Variants in ADAM19 observed in about 807,000 individuals in gnomAD.
ADAM19 encodes the protein ADAM metallopeptidase domain 19.
Under a neutral mutation model 114.7 loss-of-function variants are expected in ADAM19, and 65 were observed. The observed-to-expected ratio is 0.57, with a 90% CI of 0.46 to 0.70. ADAM19 has a LOEUF of 0.70. ADAM19 is among the 30% of genes least tolerant of loss of function. The pLI, the probability that ADAM19 is intolerant of heterozygous loss-of-function variation, is 0.00. For synonymous variants in ADAM19, 466 were observed against 460.5 expected, an observed-to-expected ratio of 1.01 and a Z score of -0.15; for missense variants, 1,063 against 1,204.7, an observed-to-expected ratio of 0.88 and a Z score of 1.74.
At chr5:157,560,327 G>A (rs1404985110) in intron 3 of ADAM19, among the ~76,000 whole-genome samples, 12 of 149,888 alleles carry the variant, frequency 8.0e-5, no homozygotes, top group African/African-American at 1.2e-4. Flanking sequence ...GAGCCTATCC[G>A]GGGCCAAAAT....
At chr5:157,515,885 C>A (rs1478640842) in intron 7 of ADAM19, among the ~76,000 whole-genome samples, 1 of 152,112 alleles carries the variant, frequency 6.6e-6, no homozygotes, top group Non-Finnish European at 1.5e-5. Context: ...TGAGAACCAC[C>A]CTAGAAGCTC....
intron 2 of ADAM19, chr5:157,567,946 C>A (rs1182645422): frequency 6.6e-6 from 1 of 152,104 alleles, no homozygotes; most frequent in African/African-American, 2.4e-5. Flanking sequence ...TTCCCCTCCC[C>A]CAAAGAGACA....
intron 21 of ADAM19, among the ~76,000 whole-genome samples, chr5:157,487,072 T>C (rs983761437): frequency 6.6e-6 from 1 of 152,150 alleles, no homozygotes; most frequent in African/African-American, 2.4e-5. Context: ...CTTGGACTCT[T>C]AGCCTCTAGA....
At chr5:157,517,013 G>A (rs746444187) in intron 7 of ADAM19, among the ~76,000 whole-genome samples, 4 of 151,932 alleles carry the variant, frequency 2.6e-5, no homozygotes, top group Non-Finnish European at 5.9e-5. Flanking sequence ...AAATCTAAAC[G>A]CTTTTCAAAG....
intron 3 of ADAM19, among the ~76,000 whole-genome samples, chr5:157,561,492 C>T (rs1757507098): frequency 6.6e-6 from 1 of 152,198 alleles, no homozygotes. Flanking sequence ...GAAGCCCTTG[C>T]TCACCGCTCC....
chr5:157,478,621 C>T lies in ADAM19; in HGVS notation c.*2328G>A. ...AAGGGGATGCATAATGGCCAGTCTT[C>T]CTCCTGGGCAGCCTCCCTGAACAGA... is the stretch of plus-strand genomic sequence containing the variant. On this transcript the variant is annotated 3_prime_UTR_variant, in exon 23 of 23. Transcript: ENST00000257527. 1 of 985,846 alleles carries T rather than the reference C, an allele frequency of 1.0e-6. No homozygotes were observed. Among genetic ancestry groups the T allele is most frequent in the Non-Finnish European group, 1.2e-6 (1 of 829,936 alleles). The allele number at this position is 985,846 out of a possible 1,614,324, so 61.1% of individuals were successfully genotyped here.
At chr5:157,546,710 G>A (rs1757060855) in intron 3 of ADAM19, among the ~76,000 whole-genome samples, 4 of 152,134 alleles carry the variant, frequency 2.6e-5, no homozygotes, top group African/African-American at 7.2e-5. Context: ...CCCTCTCCCC[G>A]GGGAGACTGA....
intron 6 of ADAM19, 102 bp downstream of exon 6, chr5:157,519,737 T>C (rs1168317847): frequency 1.8e-6 from 2 of 1,108,656 alleles, no homozygotes; most frequent in East Asian, 2.4e-5. Flanking sequence ...TTCTTAGGCA[T>C]CACCTTCAAT....
intron 5 of ADAM19, among the ~76,000 whole-genome samples, chr5:157,522,746 A>C (rs989373636): frequency 2.4e-4 from 37 of 152,138 alleles, no homozygotes; most frequent in African/African-American, 7.0e-4. Context: ...AGATCGCACC[A>C]CTGCACTCCA....
chr5:157,518,199 C>T (rs774715882), intron 7 of ADAM19, among the ~76,000 whole-genome samples: 1 of 151,930 alleles, frequency 6.6e-6, no homozygotes, highest in Admixed American at 6.6e-5. Flanking sequence ...AGAATAAACA[C>T]CAGAATCTAA....
chr5:157,537,089 T>C lies in ADAM19; in HGVS notation c.330+824A>G, dbSNP rs562656382. Among the ~76,000 whole-genome samples the C allele has an allele frequency of 5.3e-5, 8 of 152,338 alleles. No homozygotes were observed. The South Asian group carries it at 1.5e-3, about 28-fold the overall frequency. ...TGGGTCTGTCCTATGCATTATAGAA[T>C]GTAGATGCCAGTAGATCCTCCCTGC... On this transcript the variant is annotated intron_variant, in intron 4 of 22. Transcript: ENST00000257527.
Position 157,509,286 on chromosome 5 carries a change from A to G in ADAM19, c.905+15T>C, listed in dbSNP as rs1235462378. ...CAGCCAAGGACAACACAACATATGG[A>G]AAAAGGCTATTTACGTGATTAATTG... On this transcript the variant is annotated intron_variant, in intron 9 of 22. Coordinates refer to ENST00000257527, the MANE Select transcript of ADAM19 (RefSeq NM_033274.5). The G allele has an allele frequency of 1.9e-6, 3 of 1,596,244 alleles. No individual in the cohort carries two copies. The highest frequency in any genetic ancestry group is 1.1e-5 in the South Asian group (1 of 88,770).
At chr5:157,574,664 C>G (rs11465234) in intron 1 of ADAM19, among the ~76,000 whole-genome samples, 10 of 152,300 alleles carry the variant, frequency 6.6e-5, no homozygotes, top group African/African-American at 2.4e-4. Context: ...AAGCCTTCTC[C>G]GGTCATAATG....
chr5:157,505,916 T>G, intron 10 of ADAM19, 108 bp from the exon 11 acceptor site: 1 of 1,285,628 alleles, frequency 7.8e-7, no homozygotes, highest in Non-Finnish European at 1.1e-6. Flanking sequence ...CCAATTCCAC[T>G]GTCACTGAGC....
At chr5:157,522,557 G>A (rs898978775) in intron 5 of ADAM19, among the ~76,000 whole-genome samples, 33 of 152,158 alleles carry the variant, frequency 2.2e-4, no homozygotes, top group African/African-American at 3.9e-4. Flanking sequence ...AGGCCAAGGC[G>A]GGTGGATTTC....
rs1270439440 is a variant in ADAM19, at chr5:157,575,637, G to A, written c.60C>T (p.Leu20=). 1 of 1,438,096 alleles carries A rather than the reference G, an allele frequency of 7.0e-7. No homozygotes were observed. The highest frequency in any genetic ancestry group is 1.4e-5 in the South Asian group (1 of 72,282). 89.1% of individuals were successfully genotyped at this position (1,438,096 alleles called of 1,614,324 possible). ...LCLLAFALQP[L]RPRAAREPGW... ...CAGGCTCCCGCGCCGCCCGCGGCCG[G>A]AGGGGCTGCAGGGCAAACGCCAGCA... Residue 20 remains leucine (L), a synonymous_variant, in exon 1 of 23, where the codon CTC becomes CTT. Coordinates refer to ENST00000257527, the MANE Select transcript of ADAM19 (RefSeq NM_033274.5).
chr5:157,498,904 T>G (rs1755458777), intron 13 of ADAM19, among the ~76,000 whole-genome samples: 1 of 152,190 alleles, frequency 6.6e-6, no homozygotes, highest in African/African-American at 2.4e-5. Context: ...GGTCAAGTTT[T>G]GCCACCAAAT....
At chr5:157,564,324 G>T in intron 3 of ADAM19, 49 bp downstream of exon 3, 2 of 1,564,792 alleles carry the variant, frequency 1.3e-6, no homozygotes, top group South Asian at 1.1e-5. Flanking sequence ...GTCCGGCGTT[G>T]ACACAGAAGT....
rs10570308 is a variant in ADAM19 at position 157,516,935 on chromosome 5, AACAC to A, written c.666+1884_666+1887del. ...TTTGGAGAGGAAACAGAAAACATAG[AACAC>A]ACACACACACACACACACACACAAA... On this transcript the variant is annotated intron_variant, in intron 7 of 22. Coordinates refer to ENST00000257527, the MANE Select transcript of ADAM19 (RefSeq NM_033274.5). Among the ~76,000 whole-genome samples the A allele has an allele frequency of 7.2e-3, 1,079 of 150,282 alleles. 15 individuals are homozygous for A. The highest frequency in any genetic ancestry group is 0.024 in the African/African-American group (987 of 41,060).
Sources: gnomAD v4.1 joint callset for allele counts (sites outside exome capture counted in the v4.1 genomes callset) on GRCh38, gnomAD v4.1.1 for gene constraint, MANE v1.5 for transcripts, NCBI Gene and HGNC (gene_info 2026-07-23, HGNC 2026-07-21) for gene names.